Variants in OPCML observed in about 807,000 individuals in gnomAD.
OPCML encodes opioid binding protein/cell adhesion molecule like.
Under a neutral mutation model 37.8 loss-of-function variants are expected in OPCML, and 13 were observed. That is an observed-to-expected ratio of 0.34 (90% CI 0.22 to 0.55). The LOEUF (loss-of-function observed/expected upper bound fraction) is 0.55, where lower values mean the gene tolerates loss of function less well. Among genes scored for constraint, OPCML ranks in the 20% least tolerant of loss-of-function variants. OPCML has a pLI of 0.91. For synonymous variants in OPCML, 176 were observed against 168.8 expected, an observed-to-expected ratio of 1.04 and a Z score of -0.33; for missense variants, 341 against 435.6, an observed-to-expected ratio of 0.78 and a Z score of 1.93.
At chr11:132,716,809 G>A (rs987480506) in intron 2 of OPCML, among the ~76,000 whole-genome samples, 7 of 152,094 alleles carry the variant, frequency 4.6e-5, no homozygotes, top group Non-Finnish European at 8.8e-5. Context: ...TTGGCATTGG[G>A]AATATACCAG....
chr11:132,677,691 G>T (rs1942768682), intron 2 of OPCML, among the ~76,000 whole-genome samples: 1 of 152,024 alleles, frequency 6.6e-6, no homozygotes, highest in Admixed American at 6.5e-5. Context: ...GGTACAGCTT[G>T]ATGTCCACAT....
chr11:133,100,464 G>A (rs996447938), intron 1 of OPCML, among the ~76,000 whole-genome samples: 18 of 152,256 alleles, frequency 1.2e-4, no homozygotes, highest in African/African-American at 4.3e-4. Flanking sequence ...CTGAAAAAAT[G>A]ACTCTAAAAT....
intron 3 of OPCML, among the ~76,000 whole-genome samples, chr11:132,596,314 C>T (rs919242507): frequency 6.6e-6 from 1 of 152,116 alleles, no homozygotes; most frequent in Non-Finnish European, 1.5e-5. Context: ...CATATGTCTG[C>T]CCTATCTATA....
At chr11:133,464,012 G>T in intron 1 of OPCML, among the ~76,000 whole-genome samples, 1 of 151,936 alleles carries the variant, frequency 6.6e-6, no homozygotes, top group African/African-American at 2.4e-5. Flanking sequence ...TCCCATTTAT[G>T]CTTTCAACAT....
chr11:133,294,973 G>A (rs1191588498), intron 1 of OPCML, among the ~76,000 whole-genome samples: 1 of 151,718 alleles, frequency 6.6e-6, no homozygotes, highest in Non-Finnish European at 1.5e-5. Flanking sequence ...ACAGGCACCT[G>A]CCACCATGCC....
intron 1 of OPCML, among the ~76,000 whole-genome samples, chr11:133,501,949 A>G (rs1022643592): frequency 5.3e-5 from 8 of 151,454 alleles, no homozygotes; most frequent in Non-Finnish European, 1.0e-4. Context: ...CCTTCAAAGC[A>G]TCTCCTCCAC....
At chr11:132,547,640 A>G (rs1445869028) in intron 3 of OPCML, among the ~76,000 whole-genome samples, 2 of 152,148 alleles carry the variant, frequency 1.3e-5, no homozygotes, top group Non-Finnish European at 2.9e-5. Flanking sequence ...ATGCTAGCAT[A>G]CCACTCATTT....
In OPCML at chr11:132,694,031, A is replaced by G. The variant is rs147461965; in HGVS notation, c.147-36712T>C. 8.1e-3 allele frequency among the ~76,000 whole-genome samples: 1,240 copies of G among 152,250 alleles called. 26 individuals are homozygous for G. The highest frequency in any genetic ancestry group is 0.029 in the African/African-American group (1,195 of 41,542). ...TTAGAATACAAACCACACTCTCTGC[A>G]GGATGACTGAGAGAGGCTCTGATTT... On this transcript the variant is annotated intron_variant, in intron 2 of 7. Coordinates refer to ENST00000524381, the MANE Select transcript of OPCML (RefSeq NM_001012393.5).
rs1305511297 is a variant in OPCML, at chr11:133,483,721, TA to T, written c.61+48542del. On this transcript the variant is annotated intron_variant, in intron 1 of 7. Transcript: ENST00000524381. Reference sequence around the variant, plus strand: ...ATAGATAGATAGATAGATAGATAGATAAAATAGGCAGATTAGATAGATTCAT... The same window carrying T: ...ATAGATAGATAGATAGATAGATAGATAAATAGGCAGATTAGATAGATTCAT... Among the ~76,000 whole-genome samples, 45 of 144,642 alleles carry T rather than the reference TA, an allele frequency of 3.1e-4. 1 individual carries two copies. Among genetic ancestry groups the T allele is most frequent in the Admixed American group, 1.8e-3 (26 of 14,518 alleles). The allele number at this position is 144,642 out of a possible 152,430, so 94.9% of individuals were successfully genotyped here. A position where few individuals can be genotyped will look rare whatever the true frequency, so the allele number is the denominator to read the frequency against.
chr11:132,856,747 G>A (rs78621620), intron 2 of OPCML, among the ~76,000 whole-genome samples: 7,207 of 152,224 alleles, frequency 0.047, 256 homozygotes, highest in Admixed American at 0.06. Flanking sequence ...TGGCCCCTCC[G>A]AAGTGCTGGC....
At chr11:132,981,891 T>C (rs1472320890) in intron 1 of OPCML, among the ~76,000 whole-genome samples, 3 of 152,224 alleles carry the variant, frequency 2.0e-5, no homozygotes, top group African/African-American at 4.8e-5. Flanking sequence ...ATATTTGATC[T>C]CTACAATGAC....
chr11:132,463,733 G>A (rs1374840351), intron 4 of OPCML, among the ~76,000 whole-genome samples: 1 of 152,162 alleles, frequency 6.6e-6, no homozygotes, highest in Non-Finnish European at 1.5e-5. Flanking sequence ...AAACTTTGCT[G>A]GTCAGTCATC....
Position 133,457,343 on chromosome 11 carries a change from G to A in OPCML, c.61+74921C>T, listed in dbSNP as rs539799820. ...GCCCAGGAGTTCAAGACTAGCCTGGGCAGCATAGTGAGACTCCATCTCTGC... is the reference window on the plus strand; with the variant it reads ...GCCCAGGAGTTCAAGACTAGCCTGGACAGCATAGTGAGACTCCATCTCTGC... On this transcript the variant is annotated intron_variant, in intron 1 of 7. Coordinates refer to ENST00000524381, the MANE Select transcript of OPCML (RefSeq NM_001012393.5). Among the ~76,000 whole-genome samples the A allele has an allele frequency of 2.0e-5, 3 of 152,206 alleles. No homozygotes were observed. In the South Asian group the frequency reaches 6.2e-4, roughly 32 times the overall value.
At chr11:133,248,519 C>T (rs1168854549) in intron 1 of OPCML, among the ~76,000 whole-genome samples, 4 of 152,332 alleles carry the variant, frequency 2.6e-5, no homozygotes, top group African/African-American at 9.6e-5. Flanking sequence ...CAAGCCATAA[C>T]TTTCTAGTGA....
At chr11:132,773,179 A>C (rs1345034552) in intron 2 of OPCML, 1 of 152,184 alleles carries the variant, frequency 6.6e-6, no homozygotes, top group Non-Finnish European at 1.5e-5. Context: ...GAAGGAGGCC[A>C]ACATAAATTC....
intron 3 of OPCML, among the ~76,000 whole-genome samples, chr11:132,624,336 T>A (rs1268182980): frequency 6.6e-6 from 1 of 152,230 alleles, no homozygotes. Context: ...CATGGTATGA[T>A]AACAAGGTTA....
At chr11:132,972,088 C>A (rs1396620865) in intron 1 of OPCML, among the ~76,000 whole-genome samples, 2 of 152,152 alleles carry the variant, frequency 1.3e-5, no homozygotes, top group Non-Finnish European at 2.9e-5. Context: ...GTGCTGGTCA[C>A]ACAGGCAGAC....
chr11:132,906,559 T>A (rs180777992), intron 2 of OPCML, among the ~76,000 whole-genome samples: 565 of 152,322 alleles, frequency 3.7e-3, no homozygotes, highest in African/African-American at 0.012. Context: ...TAGGGTCGTT[T>A]ACCATTCAGA....
chr11:133,038,930 C>A (rs1947834144), intron 1 of OPCML, among the ~76,000 whole-genome samples: 1 of 152,126 alleles, frequency 6.6e-6, no homozygotes, highest in African/African-American at 2.4e-5. Flanking sequence ...AAGCGTCCTG[C>A]AGTCTCATAC....
Sources: gnomAD v4.1 joint callset for allele counts (sites outside exome capture counted in the v4.1 genomes callset) on GRCh38, gnomAD v4.1.1 for gene constraint, MANE v1.5 for transcripts, NCBI Gene and HGNC (gene_info 2026-07-23, HGNC 2026-07-21) for gene names.